Variants in BMPR1A observed in about 807,000 individuals in gnomAD.
BMPR1A encodes the protein bone morphogenetic protein receptor type 1A.
A neutral mutation model predicts 66.0 loss-of-function variants in BMPR1A; 7 were observed. That is an observed-to-expected ratio of 0.11 (90% CI 0.06 to 0.20). BMPR1A has a LOEUF of 0.20. Among genes scored for constraint, BMPR1A ranks in the 10% least tolerant of loss-of-function variants. BMPR1A has a pLI of 1.00. For missense variants in BMPR1A, 408 were observed against 669.1 expected, an observed-to-expected ratio of 0.61 and a Z score of 4.31; for synonymous variants, 200 against 229.7, an observed-to-expected ratio of 0.87 and a Z score of 1.17.
intron 2 of BMPR1A, among the ~76,000 whole-genome samples, chr10:86,849,355 T>A (rs920315204): frequency 6.6e-6 from 1 of 152,238 alleles, no homozygotes; most frequent in South Asian, 2.1e-4. Context: ...CTCTCTCACA[T>A]CCTAGTATGT....
intron 1 of BMPR1A, 45 bp downstream of exon 1, chr10:86,756,964 G>A (rs557546511): frequency 8.1e-4 from 123 of 152,016 alleles, no homozygotes; most frequent in Non-Finnish European, 1.5e-3. Context: ...TGGCCGCAGC[G>A]GGGAGGCCAG....
chr10:86,781,857 CTTTTTT>C lies in BMPR1A; in HGVS notation c.-268+24956_-268+24961del, dbSNP rs1162095658. ...CATTTTGTAGCATATGACAGGATTTCTTTTTTTTTTTTTTTTTTTTTTTGAGATGGA... is the reference window on the plus strand; with the variant it reads ...CATTTTGTAGCATATGACAGGATTTCTTTTTTTTTTTTTTTTTGAGATGGA... On this transcript the variant is annotated intron_variant, in intron 1 of 12. Transcript: ENST00000372037. Among the ~76,000 whole-genome samples, 22 of 84,238 alleles carry C rather than the reference CTTTTTT, an allele frequency of 2.6e-4. No homozygotes were observed. The South Asian group carries it at 3.4e-3, about 13-fold the overall frequency. The allele number at this position is 84,238 out of a possible 152,430, so 55.3% of individuals were successfully genotyped here.
At chr10:86,916,184 T>C (rs188067644) in intron 8 of BMPR1A, among the ~76,000 whole-genome samples, 9 of 152,154 alleles carry the variant, frequency 5.9e-5, no homozygotes, top group African/African-American at 2.2e-4. Flanking sequence ...GGTTTGTGGG[T>C]GGGTGGTCAA....
chr10:86,791,449 TG>T (rs1394550848), intron 1 of BMPR1A, among the ~76,000 whole-genome samples: 1 of 151,788 alleles, frequency 6.6e-6, no homozygotes, highest in Non-Finnish European at 1.5e-5. Context: ...CCTCACCTCG[TG>T]ATGTCCCCGC....
rs963481487 is a variant in BMPR1A, at chr10:86,806,250, A to C, written c.-267-32615A>C. 3.3e-5 allele frequency among the ~76,000 whole-genome samples: 5 copies of C among 152,148 alleles called. No individual in the cohort carries two copies. In the East Asian group the frequency reaches 7.7e-4, roughly 23 times the overall value. ...TGATTACCTGGTCAAGGTGTTTTCC[A>C]GTTTCTCTTCTCTATAATTACTGTT... On this transcript the variant is annotated intron_variant, in intron 1 of 12. Transcript: ENST00000372037.
chr10:86,758,128 T>C (rs1847908494), intron 1 of BMPR1A, among the ~76,000 whole-genome samples: 1 of 152,248 alleles, frequency 6.6e-6, no homozygotes, highest in African/African-American at 2.4e-5. Context: ...GGCAATTCTC[T>C]GATCTAGGAA....
At chr10:86,843,866 G>C (rs962745303) in intron 2 of BMPR1A, among the ~76,000 whole-genome samples, 1 of 152,184 alleles carries the variant, frequency 6.6e-6, no homozygotes, top group Non-Finnish European at 1.5e-5. Context: ...AGCCGAGTGA[G>C]GAGATTGTGG....
At chr10:86,818,236 C>G (rs934306079) in intron 1 of BMPR1A, among the ~76,000 whole-genome samples, 3 of 152,178 alleles carry the variant, frequency 2.0e-5, no homozygotes, top group Non-Finnish European at 4.4e-5. Flanking sequence ...CCAAGCTGGT[C>G]TCGAACTCCT....
intron 5 of BMPR1A, among the ~76,000 whole-genome samples, chr10:86,893,556 G>A (rs1469349698): frequency 3.3e-5 from 5 of 152,248 alleles, no homozygotes; most frequent in Admixed American, 6.5e-5. Context: ...TTGGGAAGCC[G>A]AGGCGGGTGG....
intron 1 of BMPR1A, among the ~76,000 whole-genome samples, chr10:86,800,329 C>T (rs117988937): frequency 0.014 from 2,139 of 152,124 alleles, 23 homozygotes; most frequent in Admixed American, 0.024. Flanking sequence ...TATAGTGAGC[C>T]GAGGGGGGAG....
At chr10:86,834,278 C>T (rs759550436) in intron 1 of BMPR1A, among the ~76,000 whole-genome samples, 2 of 152,102 alleles carry the variant, frequency 1.3e-5, no homozygotes, top group Non-Finnish European at 2.9e-5. Flanking sequence ...TTTCCCCTTG[C>T]CTTTTGAGTC....
At chr10:86,860,791 A>T (rs539391441) in intron 2 of BMPR1A, among the ~76,000 whole-genome samples, 1 of 151,680 alleles carries the variant, frequency 6.6e-6, no homozygotes, top group South Asian at 2.1e-4. Context: ...AAAAGATGCT[A>T]AAAGGAAAGC....
chr10:86,772,018 A>C (rs771368341), intron 1 of BMPR1A, among the ~76,000 whole-genome samples: 21 of 152,154 alleles, frequency 1.4e-4, no homozygotes, highest in Admixed American at 9.8e-4. Context: ...GTTGTTTAAA[A>C]AAATATTTAT....
chr10:86,905,528 T>C (rs1843372392), intron 7 of BMPR1A, among the ~76,000 whole-genome samples: 2 of 152,206 alleles, frequency 1.3e-5, no homozygotes, highest in African/African-American at 4.8e-5. Context: ...CTGTTTAAAT[T>C]GCCACTTTCC....
intron 1 of BMPR1A, among the ~76,000 whole-genome samples, chr10:86,797,395 TA>T (rs1457326001): frequency 2.0e-5 from 3 of 152,002 alleles, no homozygotes. Context: ...TATGTCCAGC[TA>T]ATTTTTTGTA....
chr10:86,771,403 G>C (rs1043711694), intron 1 of BMPR1A, among the ~76,000 whole-genome samples: 7 of 152,124 alleles, frequency 4.6e-5, no homozygotes, highest in Non-Finnish European at 1.0e-4. Context: ...TGGATTAAAT[G>C]GTATCTGACA....
chr10:86,807,322 A>T (rs564984169), intron 1 of BMPR1A, among the ~76,000 whole-genome samples: 8 of 152,214 alleles, frequency 5.3e-5, no homozygotes, highest in Non-Finnish European at 1.0e-4. Context: ...TTTTTAATTT[A>T]AAAAAATTGA....
At chr10:86,777,883 C>T (rs1841377516) in intron 1 of BMPR1A, among the ~76,000 whole-genome samples, 1 of 151,652 alleles carries the variant, frequency 6.6e-6, no homozygotes, top group Non-Finnish European at 1.5e-5. Flanking sequence ...CATGGTGGTG[C>T]ATGCATGTAA....
intron 1 of BMPR1A, among the ~76,000 whole-genome samples, chr10:86,838,013 A>G: frequency 6.6e-6 from 1 of 152,238 alleles, no homozygotes; most frequent in Non-Finnish European, 1.5e-5. Context: ...GCAATGGGGC[A>G]TAGGCAACGT....
Sources: allele counts gnomAD v4.1 joint callset (sites outside exome capture counted in the v4.1 genomes callset), GRCh38; gene constraint gnomAD v4.1.1; transcripts MANE v1.5; gene names NCBI Gene and HGNC (gene_info 2026-07-23, HGNC 2026-07-21).